Variants in POC1A observed in about 807,000 individuals in gnomAD.
POC1A encodes the protein POC1 centriolar protein A.
Under a neutral mutation model 47.8 loss-of-function variants are expected in POC1A, and 34 were observed. The observed-to-expected ratio is 0.71, with a 90% confidence interval of 0.54 to 0.95. POC1A has a LOEUF of 0.95. Ranked by LOEUF, POC1A falls within the 40% of genes least tolerant of loss-of-function variation. The pLI, the probability that POC1A is intolerant of heterozygous loss-of-function variation, is 0.00. For missense variants in POC1A, 466 were observed against 528.3 expected, an observed-to-expected ratio of 0.88 and a Z score of 1.16; for synonymous variants, 177 against 207.6, an observed-to-expected ratio of 0.85 and a Z score of 1.27.
At chr3:52,115,586 T>C (rs1250629770) in intron 9 of POC1A, among the ~76,000 whole-genome samples, 1 of 152,070 alleles carries the variant, frequency 6.6e-6, no homozygotes, top group Non-Finnish European at 1.5e-5. Context: ...AGTAATAGTA[T>C]TAGGAGGTGG....
intron 9 of POC1A, among the ~76,000 whole-genome samples, chr3:52,109,702 C>A (rs960406428): frequency 6.6e-6 from 1 of 152,048 alleles, no homozygotes. Flanking sequence ...CTGATGGCAA[C>A]GAGTACTCAG....
chr3:52,096,499 C>T, intron 10 of POC1A, 70 bp downstream of exon 10: 1 of 1,346,258 alleles, frequency 7.4e-7, no homozygotes, highest in Non-Finnish European at 9.9e-7. Flanking sequence ...TGTTGTCCAA[C>T]TTCAAACGGT....
chr3:52,126,546 C>A (rs987558682), intron 7 of POC1A, among the ~76,000 whole-genome samples: 2 of 152,252 alleles, frequency 1.3e-5, no homozygotes, highest in Non-Finnish European at 2.9e-5. Context: ...CATTTACCCA[C>A]TGAATCCTGA....
At chr3:52,125,026 C>G (rs1203198533) in intron 8 of POC1A, 87 bp downstream of exon 8, 1 of 1,052,458 alleles carries the variant, frequency 9.5e-7, no homozygotes, top group African/African-American at 1.6e-5. Flanking sequence ...GAAACCCAGC[C>G]CATCCCCCAA....
At chr3:52,100,918 T>C (rs1702979471) in intron 9 of POC1A, among the ~76,000 whole-genome samples, 1 of 151,794 alleles carries the variant, frequency 6.6e-6, no homozygotes. Flanking sequence ...TAAAAACACC[T>C]CTTCCCTTGA....
intron 9 of POC1A, among the ~76,000 whole-genome samples, chr3:52,104,397 G>C (rs1402761294): frequency 6.6e-6 from 1 of 152,228 alleles, no homozygotes. Context: ...CTTGATTGTG[G>C]TGGTGGTTAC....
chr3:52,076,542 C>T (rs1702121390), intron 10 of POC1A, among the ~76,000 whole-genome samples: 1 of 152,228 alleles, frequency 6.6e-6, no homozygotes, highest in African/African-American at 2.4e-5. Context: ...AGGAGGGTCT[C>T]TGCCTGTCCA....
intron 7 of POC1A, among the ~76,000 whole-genome samples, chr3:52,134,359 C>T (rs1246522907): frequency 1.3e-5 from 2 of 152,196 alleles, no homozygotes; most frequent in Non-Finnish European, 2.9e-5. Flanking sequence ...AGGCTGGATG[C>T]AGTGGCTCAG....
At chr3:52,153,034 A>G (rs1164694264) in intron 1 of POC1A, among the ~76,000 whole-genome samples, 1 of 152,256 alleles carries the variant, frequency 6.6e-6, no homozygotes, top group Non-Finnish European at 1.5e-5. Context: ...AAGAAATGGT[A>G]TGACTGTTAT....
intron 3 of POC1A, 47 bp from the exon 4 acceptor site, chr3:52,149,436 T>C: frequency 6.4e-7 from 1 of 1,572,238 alleles, no homozygotes; most frequent in South Asian, 1.1e-5. Flanking sequence ...AACAGTGACA[T>C]GAGAGCCCAC....
At chr3:52,137,159 C>CAGGGA (rs1254785601) in intron 7 of POC1A, among the ~76,000 whole-genome samples, 3 of 152,126 alleles carry the variant, frequency 2.0e-5, no homozygotes, top group Non-Finnish European at 2.9e-5. Context: ...ATGTCTCTGA[C>CAGGGA]AGGGAAGGCA....
intron 6 of POC1A, among the ~76,000 whole-genome samples, chr3:52,141,760 G>A (rs940670521): frequency 2.6e-5 from 4 of 152,086 alleles, no homozygotes; most frequent in Non-Finnish European, 5.9e-5. Flanking sequence ...AGGCCGAGGT[G>A]GGAGGACTGC....
In POC1A at chr3:52,079,131, A is replaced by G. The variant is rs1049517211; in HGVS notation, c.1126-3146T>C. Among the ~76,000 whole-genome samples the G allele has an allele frequency of 2.0e-5, 3 of 152,256 alleles. No individual in the cohort carries two copies. The highest frequency in any genetic ancestry group is 7.2e-5 in the African/African-American group (3 of 41,476). On this transcript the variant is annotated intron_variant, in intron 10 of 10. Transcript: ENST00000296484. The surrounding 1 kb of genome is among the most constrained non-coding windows in gnomAD (Gnocchi z 4.6). ...GCACAGACTGGTTTGGAGCCATATC[A>G]CGTGGCCTTGTTCAGAATGTATATG...
intron 10 of POC1A, among the ~76,000 whole-genome samples, chr3:52,092,632 C>A (rs1321618272): frequency 6.6e-6 from 1 of 152,140 alleles, no homozygotes; most frequent in African/African-American, 2.4e-5. Context: ...AGTATGTGAT[C>A]CCCACACTCT....
chr3:52,122,265 T>C, intron 9 of POC1A, 114 bp downstream of exon 9: 1 of 634,886 alleles, frequency 1.6e-6, no homozygotes. Flanking sequence ...CTAGGGTCCC[T>C]TTCCCGAGAC....
intron 10 of POC1A, 25 bp from the exon 11 acceptor site, chr3:52,076,010 C>A: frequency 1.3e-6 from 2 of 1,585,310 alleles, no homozygotes; most frequent in South Asian, 2.2e-5. Context: ...GTGGTTGGGT[C>A]AGAACACAGA....
At chr3:52,096,825 G>A in intron 9 of POC1A, 113 bp from the exon 10 acceptor site, 1 of 976,478 alleles carries the variant, frequency 1.0e-6, no homozygotes, top group Non-Finnish European at 1.5e-6. Context: ...ATTTGAGAAG[G>A]TAAGCTCCAA....
intron 10 of POC1A, among the ~76,000 whole-genome samples, chr3:52,078,007 C>A (rs1702170245): frequency 1.3e-5 from 2 of 152,138 alleles, no homozygotes; most frequent in South Asian, 4.1e-4. Context: ...CACAACCAGC[C>A]CCCTGCATGA....
At chr3:52,083,129 T>C (rs1243359167) in intron 10 of POC1A, among the ~76,000 whole-genome samples, 1 of 152,098 alleles carries the variant, frequency 6.6e-6, no homozygotes, top group Admixed American at 6.5e-5. Context: ...AGGTATGTGA[T>C]GGGGACTCGG....
Sources: gnomAD v4.1 joint callset for allele counts (sites outside exome capture counted in the v4.1 genomes callset) on GRCh38, gnomAD v4.1.1 for gene constraint, Gnocchi (gnomAD v3.1) non-coding constraint, MANE v1.5 for transcripts, NCBI Gene and HGNC (gene_info 2026-07-23, HGNC 2026-07-21) for gene names.